Variants in NME1 observed in about 807,000 individuals in gnomAD.
NME1 encodes nucleoside diphosphate kinase A.
NME1 carries 9 observed loss-of-function variants against 17.2 expected under a neutral mutation model. The observed-to-expected ratio is 0.52, with a 90% CI of 0.32 to 0.92. The LOEUF (loss-of-function observed/expected upper bound fraction) is 0.92, where lower values mean the gene tolerates loss of function less well. NME1 is among the 40% of genes least tolerant of loss of function. The probability of loss-of-function intolerance (pLI) is 0.04; values close to 1 mark genes in which losing one functional copy is unlikely to be tolerated. For missense variants in NME1, 169 were observed against 201.7 expected, an observed-to-expected ratio of 0.84 and a Z score of 0.98; for synonymous variants, 72 against 70.8, an observed-to-expected ratio of 1.02 and a Z score of -0.09.
At chr17:51,159,877 A>G (rs1006749326) in intron 2 of NME1, 103 bp from the exon 3 acceptor site, 9 of 1,372,566 alleles carry the variant, frequency 6.6e-6, no homozygotes, top group East Asian at 2.3e-5. Flanking sequence ...AGTGAGCCCA[A>G]CCGCTCATGT....
intron 3 of NME1, among the ~76,000 whole-genome samples, chr17:51,160,945 T>C (rs978936139): frequency 6.6e-6 from 1 of 152,132 alleles, no homozygotes; most frequent in African/African-American, 2.4e-5. Context: ...CTCTGGTTGC[T>C]GTATGGAGAA....
intron 2 of NME1, 184 bp downstream of exon 2, chr17:51,155,964 T>G (rs2049780354): frequency 1.1e-6 from 1 of 873,996 alleles, no homozygotes; most frequent in African/African-American, 1.7e-5. Context: ...AACCAAGTTA[T>G]TTAGGATTTT....
At chr17:51,154,410 G>A in intron 1 of NME1, 2 of 1,614,150 alleles carry the variant, frequency 1.2e-6, no homozygotes, top group South Asian at 1.1e-5. Flanking sequence ...CGTCTTTCAA[G>A]GCGAGGGGCC....
In NME1 at chr17:51,161,830, C is replaced by T. The variant is rs11556832; in HGVS notation, c.444C>T (p.Asn148=). The change falls in exon 5 of 5, where the codon AAC becomes AAT. Residue 148 remains asparagine, a synonymous_variant. Coordinates refer to ENST00000393196, the MANE Select transcript of NME1 (RefSeq NM_000269.3). ...TAGATTACACGAGCTGTGCTCAGAACTGGATCTATGAATGACAGGAGGGCA... is the reference window on the plus strand; with the variant it reads ...TAGATTACACGAGCTGTGCTCAGAATTGGATCTATGAATGACAGGAGGGCA... The part of the protein sequence containing the change: ...ELVDYTSCAQ[N]WIYE 1 of 1,611,700 alleles carries T rather than the reference C, an allele frequency of 6.2e-7. No individual in the cohort carries two copies. Among genetic ancestry groups the T allele is most frequent in the Non-Finnish European group, 8.5e-7 (1 of 1,177,872 alleles).
intron 1 of NME1, chr17:51,154,364 G>A (rs2049752913): frequency 6.2e-7 from 1 of 1,613,786 alleles, no homozygotes; most frequent in Non-Finnish European, 8.5e-7. Flanking sequence ...CAGGAAGATG[G>A]GGCCAAGAGA....
chr17:51,155,241 CAAAA>C (rs35964095), intron 1 of NME1, among the ~76,000 whole-genome samples: 3 of 100,460 alleles, frequency 3.0e-5, no homozygotes, highest in African/African-American at 3.3e-5. Context: ...GACTCCATAC[CAAAA>C]AAAAAAAAAA....
intron 1 of NME1, chr17:51,154,394 A>C (rs2049753319): frequency 1.2e-6 from 2 of 1,614,024 alleles, no homozygotes; most frequent in South Asian, 2.2e-5. Flanking sequence ...TGTCTACTTT[A>C]GGGATCGTCT....
At chr17:51,156,072 A>G in intron 2 of NME1, 1 of 370,666 alleles carries the variant, frequency 2.7e-6, no homozygotes, top group Non-Finnish European at 5.2e-6. Context: ...CTGAGAGCTG[A>G]GCATGTTTGA....
At chr17:51,155,966 T>C in intron 2 of NME1, 186 bp downstream of exon 2, 1 of 843,394 alleles carries the variant, frequency 1.2e-6, no homozygotes, top group East Asian at 3.4e-5. Flanking sequence ...CCAAGTTATT[T>C]AGGATTTTCC....
chr17:51,160,011 T>C lies in NME1; in HGVS notation c.158T>C (p.Val53Ala). ...ASEDLLKEHYVDLKDRPFFAG... is the reference protein window; with the variant it reads ...ASEDLLKEHYADLKDRPFFAG... The stretch of plus-strand genomic sequence containing the variant: ...GAAGATCTTCTCAAGGAACACTACG[T>C]TGACCTGAAGGACCGTCCATTCTTT... Residue 53 changes from valine to alanine, a missense_variant, in exon 3 of 5, where the codon GTT (valine) becomes GCT (alanine). By Grantham distance (64) the Val-to-Ala change is moderately conservative (BLOSUM62 0). Transcript: ENST00000393196. The C allele has an allele frequency of 6.2e-7, 1 of 1,614,218 alleles. No individual in the cohort carries two copies.
intron 2 of NME1, among the ~76,000 whole-genome samples, chr17:51,156,870 A>G (rs1055839781): frequency 6.7e-6 from 1 of 149,456 alleles, no homozygotes; most frequent in Non-Finnish European, 1.5e-5. Flanking sequence ...CAGCCTGTGC[A>G]ACAAGAGCAA....
Position 51,155,669 on chromosome 17 carries a change from G to A in NME1, c.15G>A (p.Glu5=), listed in dbSNP as rs2049775182. The change falls in exon 2 of 5, where the codon GAG becomes GAA. Residue 5 remains glutamate, a synonymous_variant. Transcript: ENST00000393196. ...TCCCCAGAACCATGGCCAACTGTGA[G>A]CGTACCTTCATTGCGATCAAACCAG... MANC[E]RTFIAIKPDG... The A allele has an allele frequency of 6.2e-7, 1 of 1,614,060 alleles. No individual in the cohort carries two copies. The highest frequency in any genetic ancestry group is 8.5e-7 in the Non-Finnish European group (1 of 1,179,948).
At chr17:51,155,909 C>G in intron 2 of NME1, 129 bp downstream of exon 2, 1 of 1,452,450 alleles carries the variant, frequency 6.9e-7, no homozygotes. Flanking sequence ...GTCTTGAGAC[C>G]TGGAAACTCC....
chr17:51,155,043 C>A (rs2049764948), intron 1 of NME1, among the ~76,000 whole-genome samples: 1 of 151,542 alleles, frequency 6.6e-6, no homozygotes, highest in Non-Finnish European at 1.5e-5. Flanking sequence ...AGTTGGAGAC[C>A]AGCCTGGCCA....
At chr17:51,160,198 A>C in intron 3 of NME1, 117 bp downstream of exon 3, 1 of 1,068,374 alleles carries the variant, frequency 9.4e-7, no homozygotes, top group East Asian at 2.4e-5. Context: ...CTGTTTTCAT[A>C]TACCAGCTAA....
intron 3 of NME1, chr17:51,160,351 G>T: frequency 1.9e-6 from 1 of 530,260 alleles, no homozygotes; most frequent in East Asian, 3.8e-5. Context: ...ATGACAAGAA[G>T]CAGCCAGCCA....
rs773293682 is a variant in NME1 at position 51,159,962 on chromosome 17, C to G, written c.127-18C>G. On this transcript the variant is annotated intron_variant, in intron 2 of 4. Coordinates refer to ENST00000393196, the MANE Select transcript of NME1 (RefSeq NM_000269.3). ...AGATGGTTTGGGGGTTATTCTCATT[C>G]TCTGTCCTGTTGAATAGGCTTCCGA... 8 of 1,613,588 alleles carry G rather than the reference C, an allele frequency of 5.0e-6. No individual in the cohort carries two copies. The highest frequency in any genetic ancestry group is 6.8e-6 in the Non-Finnish European group (8 of 1,179,644).
Position 51,162,156 on chromosome 17 carries a change from G to A in NME1, c.*311G>A. 3.5e-6 allele frequency: 1 copy of A among 287,804 alleles called. No homozygotes were observed. The highest frequency in any genetic ancestry group is 6.7e-6 in the Non-Finnish European group (1 of 148,506). 17.8% of individuals were successfully genotyped at this position (287,804 alleles called of 1,614,324 possible). A position where few individuals can be genotyped will look rare whatever the true frequency, so the allele number is the denominator to read the frequency against. On this transcript the variant is annotated 3_prime_UTR_variant, in exon 5 of 5. Transcript: ENST00000393196. ...ATACTATAAAAATGATTTATTTTGAGGTCTCACATACACACAGGCATTCTT... is the reference window on the plus strand; with the variant it reads ...ATACTATAAAAATGATTTATTTTGAAGTCTCACATACACACAGGCATTCTT...
At chr17:51,160,141 T>G in intron 3 of NME1, 60 bp downstream of exon 3, 1 of 1,578,556 alleles carries the variant, frequency 6.3e-7, no homozygotes, top group Non-Finnish European at 8.7e-7. Flanking sequence ...TGCTAGGCTC[T>G]CTTCTAGACA....
Sources: gnomAD v4.1 joint callset for allele counts (sites outside exome capture counted in the v4.1 genomes callset) on GRCh38, gnomAD v4.1.1 for gene constraint, MANE v1.5 for transcripts, NCBI Gene and HGNC (gene_info 2026-07-23, HGNC 2026-07-21) for gene names.